The following RASGRP4 variants were observed in gnomAD, a reference collection of about 807,000 sequenced individuals.
RASGRP4 encodes the protein RAS guanyl-releasing protein 4.
Under a neutral mutation model 84.4 loss-of-function variants are expected in RASGRP4, and 52 were observed. The observed-to-expected ratio is 0.62, with a 90% confidence interval of 0.49 to 0.78. The LOEUF is 0.78. Among genes scored for constraint, RASGRP4 ranks in the 30% least tolerant of loss-of-function variants. The pLI is 0.00. For missense variants in RASGRP4, 760 were observed against 886.9 expected, an observed-to-expected ratio of 0.86 and a Z score of 1.82; for synonymous variants, 356 against 359.1, an observed-to-expected ratio of 0.99 and a Z score of 0.10.
Position 38,422,242 on chromosome 19 carries a change from A to T in RASGRP4, c.24-89T>A, listed in dbSNP as rs1223421134. Reference sequence around the variant, plus strand: ...TTTGACTCTAATGCCCCAAGGCACCACGGGAGAGGCTTCCTAAAGGCAAAG... The same window carrying T: ...TTTGACTCTAATGCCCCAAGGCACCTCGGGAGAGGCTTCCTAAAGGCAAAG... On this transcript the variant is annotated intron_variant, in intron 1 of 16. Coordinates refer to ENST00000615439, the MANE Select transcript of RASGRP4 (RefSeq NM_170604.3). 3 of 1,246,198 alleles carry T rather than the reference A, an allele frequency of 2.4e-6. No individual in the cohort carries two copies. The African/African-American group carries it at 4.5e-5, about 19-fold the overall frequency. The allele number at this position is 1,246,198 out of a possible 1,614,324, so 77.2% of individuals were successfully genotyped here. A position where few individuals can be genotyped will look rare whatever the true frequency, so the allele number is the denominator to read the frequency against.
chr19:38,424,806 T>C (rs1297858312), intron 1 of RASGRP4, among the ~76,000 whole-genome samples: 2 of 151,962 alleles, frequency 1.3e-5, no homozygotes, highest in African/African-American at 4.8e-5. Context: ...TTTCCCTAAG[T>C]GTGGGCACCC....
intron 1 of RASGRP4, 29 bp from the exon 2 acceptor site, chr19:38,422,182 G>A: frequency 6.3e-7 from 1 of 1,580,708 alleles, no homozygotes. Flanking sequence ...AGGAGTCATG[G>A]GAGCACCTTC....
At position 38,410,077 on chromosome 19, in the gene RASGRP4, T is replaced by C. The variant is rs552244915; in HGVS notation, c.1985A>G (p.Asp662Gly). 1 of 1,611,828 alleles carries C rather than the reference T, an allele frequency of 6.2e-7. No homozygotes were observed. Among genetic ancestry groups the C allele is most frequent in the East Asian group, 2.2e-5 (1 of 44,590 alleles). The change falls in exon 17 of 17, where the codon GAC becomes GGC. Residue 662 changes from aspartate (D) to glycine (G), a missense_variant. Physicochemically the swap from Asp to Gly is moderately conservative, Grantham distance 94. Coordinates refer to ENST00000615439, the MANE Select transcript of RASGRP4 (RefSeq NM_170604.3). ...CTTGGAGGATGCAGTTGATGGTGGGTCCATCACCGGGCAGGGGACCTGGAA... is the reference window on the plus strand; with the variant it reads ...CTTGGAGGATGCAGTTGATGGTGGGCCCATCACCGGGCAGGGGACCTGGAA... ...ETDTVPCPVM[D>G]PPSTASSKLD... is the part of the protein sequence containing the mutation.
intron 8 of RASGRP4, 146 bp from the exon 9 acceptor site, chr19:38,415,269 T>A (rs867609726): frequency 1.9e-5 from 13 of 679,668 alleles, no homozygotes; most frequent in Non-Finnish European, 2.9e-5. Context: ...GGTCTCAGCA[T>A]CTCCCCCAAA....
chr19:38,415,065 C>T lies in RASGRP4; in HGVS notation c.1013G>A (p.Arg338His), dbSNP rs763988472. 54 of 1,602,962 alleles carry T rather than the reference C, an allele frequency of 3.4e-5. 1 individual carries two copies. The Middle Eastern group carries it at 7.0e-4, about 21-fold the overall frequency. The change falls in exon 9 of 17, where the codon CGC (arginine) becomes CAC (histidine). Residue 338 changes from arginine to histidine, a missense_variant. Physicochemically the swap from Arg to His is conservative, Grantham distance 29. Transcript: ENST00000615439. ...GAAACCCGCGCAGCCAGCCCAGGTGCGGCGGTAGCGGGCGTAGTTGTTGTG... is the reference window on the plus strand; with the variant it reads ...GAAACCCGCGCAGCCAGCCCAGGTGTGGCGGTAGCGGGCGTAGTTGTTGTG... ...ASHNNYARYR[R>H]TWAGCAGFRL...
chr19:38,414,435 TCC>T (rs1234512625), intron 9 of RASGRP4, among the ~76,000 whole-genome samples: 1 of 151,994 alleles, frequency 6.6e-6, no homozygotes, highest in African/African-American at 2.4e-5. Context: ...CAAGCAATTC[TCC>T]TGCCTCAGCC....
At position 38,413,451 on chromosome 19, in the gene RASGRP4, C is replaced by A; in HGVS notation, c.1254G>T (p.Thr418=). The change falls in exon 10 of 17, where the codon ACG becomes ACT. Residue 418 remains threonine (T), a synonymous_variant. Transcript: ENST00000615439. This position sits in a 1 kb window ranked among gnomAD's most constrained non-coding sequence, Gnocchi z 4.7. ...AAGAAAGCTCATAGATCTCGTCTTC[C>A]GTGTAGAAGAGGTCCAGGGAGAGCT... ...LLTLSLDLFY[T]EDEIYELSYA... 6.2e-7 allele frequency: 1 copy of A among 1,601,616 alleles called. No individual in the cohort carries two copies.
At position 38,410,949 on chromosome 19, in the gene RASGRP4, C is replaced by G; in HGVS notation, c.1902G>C (p.Gly634=). The G allele has an allele frequency of 1.1e-5, 17 of 1,604,224 alleles. No individual in the cohort carries two copies. Among genetic ancestry groups the G allele is most frequent in the Non-Finnish European group, 1.4e-5 (17 of 1,175,474 alleles). ...GGGTCCAGGCATGGCGAAGCTGGCA[C>G]CCAGTCTCAGGCTCCAGGGATAGCG... The part of the protein sequence containing the change: ...SYTLSLEPET[G]CQLRHAWTQT... The change falls in exon 16 of 17, where the codon GGG becomes GGC. Residue 634 remains glycine, a synonymous_variant. Coordinates refer to ENST00000615439, the MANE Select transcript of RASGRP4 (RefSeq NM_170604.3).
chr19:38,414,870 T>G lies in RASGRP4; in HGVS notation c.1208A>C (p.Glu403Ala). ...QGQHPPCSAN[E>A]DLLHLLTLSL... ...CACCGTGAGCAGGTGCAGCAGATCC[T>G]CATTGGCGCTGCAGGGTGGATGCTG... Residue 403 changes from glutamate to alanine, a missense_variant, in exon 9 of 17, where the codon GAG (glutamate) becomes GCG (alanine). Transcript: ENST00000615439. 1 of 1,599,304 alleles carries G rather than the reference T, an allele frequency of 6.3e-7. No homozygotes were observed. Among genetic ancestry groups the G allele is most frequent in the South Asian group, 1.1e-5 (1 of 88,870 alleles).
At position 38,411,239 on chromosome 19, in the gene RASGRP4, C is replaced by G. The variant is rs369910292; in HGVS notation, c.1728G>C (p.Leu576=). Residue 576 remains leucine, a synonymous_variant, in exon 15 of 17, where the codon CTG becomes CTC. Coordinates refer to ENST00000615439, the MANE Select transcript of RASGRP4 (RefSeq NM_170604.3). The part of the protein sequence containing the change: ...KQGYRCRECG[L]CCHKHCRDQV... ...GGTCTCTGCAGTGTTTGTGGCAACA[C>G]AGCCCGCACTCTGGGGGAAGGCAGC... is the stretch of plus-strand genomic sequence containing the variant. 1 of 1,614,010 alleles carries G rather than the reference C, an allele frequency of 6.2e-7. No individual in the cohort carries two copies. Among genetic ancestry groups the G allele is most frequent in the South Asian group, 1.1e-5 (1 of 91,088 alleles).
Position 38,413,354 on chromosome 19 carries a change from A to G in RASGRP4, c.1311+40T>C, listed in dbSNP as rs1568408735. 1.9e-6 allele frequency: 3 copies of G among 1,603,154 alleles called. No individual in the cohort carries two copies. The highest frequency in any genetic ancestry group is 2.2e-5 in the East Asian group (1 of 44,646). On this transcript the variant is annotated intron_variant, in intron 10 of 16. Transcript: ENST00000615439. This position sits in a 1 kb window ranked among gnomAD's most constrained non-coding sequence, Gnocchi z 4.7. ...ACTGCATAGGCTTAGGGGGGGTTCG[A>G]GGTAATTGGGGGAGTCCGAGGCCAG...
chr19:38,421,017 G>T, intron 3 of RASGRP4, 47 bp from the exon 4 acceptor site: 2 of 1,607,078 alleles, frequency 1.2e-6, no homozygotes, highest in East Asian at 2.2e-5. Context: ...TGACCTGCCT[G>T]CTCCCCATTC....
Position 38,417,002 on chromosome 19 carries a change from G to C in RASGRP4, c.954+50C>G. ...AGGGCTTGGGGAATTAGGTGTGGGGGCTCAAGACAGCTGACCACTTGGAGC... is the reference window on the plus strand; with the variant it reads ...AGGGCTTGGGGAATTAGGTGTGGGGCCTCAAGACAGCTGACCACTTGGAGC... On this transcript the variant is annotated intron_variant, in intron 8 of 16. Coordinates refer to ENST00000615439, the MANE Select transcript of RASGRP4 (RefSeq NM_170604.3). The surrounding 1 kb of genome is among the most constrained non-coding windows in gnomAD (Gnocchi z 5.1). 9.1e-7 allele frequency: 1 copy of C among 1,101,266 alleles called. No individual in the cohort carries two copies. The highest frequency in any genetic ancestry group is 1.4e-6 in the Non-Finnish European group (1 of 735,786). The allele number at this position is 1,101,266 out of a possible 1,614,324, so 68.2% of individuals were successfully genotyped here. A position where few individuals can be genotyped will look rare whatever the true frequency, so the allele number is the denominator to read the frequency against.
intron 9 of RASGRP4, 52 bp downstream of exon 9, chr19:38,414,796 T>G (rs947817363): frequency 6.6e-6 from 10 of 1,516,700 alleles, no homozygotes; most frequent in African/African-American, 1.4e-5. Flanking sequence ...CCCAGGACCC[T>G]ATATCTCAGT....
At chr19:38,419,718 G>T in intron 6 of RASGRP4, 142 bp downstream of exon 6, 1 of 866,224 alleles carries the variant, frequency 1.2e-6, no homozygotes, top group Non-Finnish European at 1.8e-6. Flanking sequence ...GGACCTTCTA[G>T]CATACAGGTT....
At chr19:38,425,488 G>A (rs1418188826) in intron 1 of RASGRP4, among the ~76,000 whole-genome samples, 1 of 152,142 alleles carries the variant, frequency 6.6e-6, no homozygotes, top group Non-Finnish European at 1.5e-5. Flanking sequence ...GCCCATCAGA[G>A]TGGTGCTGGG....
intron 1 of RASGRP4, among the ~76,000 whole-genome samples, chr19:38,423,253 G>A (rs1182550975): frequency 6.6e-6 from 1 of 152,230 alleles, no homozygotes; most frequent in Non-Finnish European, 1.5e-5. Context: ...GGACCAGTGT[G>A]ATGGCTCACG....
chr19:38,425,192 A>C (rs866504260), intron 1 of RASGRP4, among the ~76,000 whole-genome samples: 3 of 150,174 alleles, frequency 2.0e-5, no homozygotes, highest in South Asian at 2.1e-4. Flanking sequence ...TCAAAAAAAA[A>C]AAACAAAAAA....
At position 38,409,095 on chromosome 19, in the gene RASGRP4, C is replaced by T; in HGVS notation, c.*945G>A. 4.5e-6 allele frequency: 2 copies of T among 440,482 alleles called. No homozygotes were observed. Among genetic ancestry groups the T allele is most frequent in the South Asian group, 4.5e-5 (1 of 22,116 alleles). 27.3% of individuals were successfully genotyped at this position (440,482 alleles called of 1,614,324 possible). ...ATTTAATTTATGACAGCTGTAGGAC[C>T]TCTCTCTGTGGGGGCCAAGTCAGGG... On this transcript the variant is annotated 3_prime_UTR_variant, in exon 17 of 17. Coordinates refer to ENST00000615439, the MANE Select transcript of RASGRP4 (RefSeq NM_170604.3).
Sources: allele counts gnomAD v4.1 joint callset (sites outside exome capture counted in the v4.1 genomes callset), GRCh38; gene constraint gnomAD v4.1.1; non-coding constraint Gnocchi (gnomAD v3.1); transcripts MANE v1.5; gene names NCBI Gene and HGNC (gene_info 2026-07-23, HGNC 2026-07-21).